Variants in SNTG1 observed in about 807,000 individuals in gnomAD.
The protein encoded by SNTG1 is gamma-1-syntrophin.
In SNTG1, 39 loss-of-function variants were observed where a neutral mutation model predicts 74.7. That is an observed-to-expected ratio of 0.52 (90% CI 0.40 to 0.68). SNTG1 has a LOEUF of 0.68. Among genes scored for constraint, SNTG1 ranks in the 30% least tolerant of loss-of-function variants. The probability of loss-of-function intolerance (pLI) is 0.00; values close to 1 mark genes in which losing one functional copy is unlikely to be tolerated. For missense variants in SNTG1, 685 were observed against 609.5 expected (o/e 1.12, Z -1.30); for synonymous variants, 254 against 217.1 (o/e 1.17, Z -1.49).
intron 2 of SNTG1, among the ~76,000 whole-genome samples, chr8:50,282,002 TTAAA>T (rs2088486449): frequency 6.6e-6 from 1 of 152,160 alleles, no homozygotes. Flanking sequence ...CACTGCCATT[TTAAA>T]GTTCACCTTG....
At chr8:50,317,349 C>A (rs2130789384) in intron 2 of SNTG1, among the ~76,000 whole-genome samples, 1 of 152,272 alleles carries the variant, frequency 6.6e-6, no homozygotes, top group Admixed American at 6.5e-5. Flanking sequence ...TCCCTTTTCA[C>A]TCCCAAAAGT....
chr8:50,399,770 A>G (rs2092777510), intron 3 of SNTG1, among the ~76,000 whole-genome samples: 1 of 151,958 alleles, frequency 6.6e-6, no homozygotes, highest in Non-Finnish European at 1.5e-5. Context: ...GTGTAAAAAC[A>G]TAGAAAAAAT....
chr8:50,724,011 T>G (rs959843646), intron 17 of SNTG1, among the ~76,000 whole-genome samples: 1 of 151,956 alleles, frequency 6.6e-6, no homozygotes, highest in Admixed American at 6.6e-5. Flanking sequence ...TCCAAGAACA[T>G]AAGGAGGGCA....
At chr8:50,358,917 G>A (rs569659313) in intron 2 of SNTG1, among the ~76,000 whole-genome samples, 10 of 152,208 alleles carry the variant, frequency 6.6e-5, no homozygotes, top group African/African-American at 1.9e-4. Flanking sequence ...GTTAACGCAC[G>A]GTTTGATACT....
At chr8:50,236,696 C>G (rs1172479542) in intron 2 of SNTG1, among the ~76,000 whole-genome samples, 1 of 151,910 alleles carries the variant, frequency 6.6e-6, no homozygotes. Flanking sequence ...GTGATCCGCC[C>G]GCCTTGGCCT....
chr8:50,392,429 G>A (rs1420893867), intron 2 of SNTG1, among the ~76,000 whole-genome samples: 1 of 152,180 alleles, frequency 6.6e-6, no homozygotes, highest in African/African-American at 2.4e-5. Context: ...GGTTAAAGCA[G>A]AGGGGACTTA....
intron 2 of SNTG1, among the ~76,000 whole-genome samples, chr8:50,290,701 T>C (rs144091914): frequency 7.9e-5 from 12 of 152,306 alleles, no homozygotes; most frequent in Non-Finnish European, 1.8e-4. Context: ...AGTTATCATA[T>C]TAATAATAAC....
chr8:50,352,793 T>C (rs1439015585), intron 2 of SNTG1, among the ~76,000 whole-genome samples: 2 of 152,212 alleles, frequency 1.3e-5, no homozygotes, highest in Admixed American at 1.3e-4. Context: ...TTTAGGCTTC[T>C]CAGAATGCCT....
At chr8:50,522,861 G>A (rs900982005) in intron 9 of SNTG1, among the ~76,000 whole-genome samples, 1 of 152,164 alleles carries the variant, frequency 6.6e-6, no homozygotes, top group African/African-American at 2.4e-5. Context: ...ATAGGCATGA[G>A]CCACTGTACC....
At chr8:50,664,442 A>C (rs2131308184) in intron 15 of SNTG1, among the ~76,000 whole-genome samples, 1 of 152,308 alleles carries the variant, frequency 6.6e-6, no homozygotes, top group South Asian at 2.1e-4. Context: ...AATCTATGAA[A>C]AATACCCTAT....
chr8:50,335,236 A>G (rs1208907099), intron 2 of SNTG1, among the ~76,000 whole-genome samples: 2 of 152,190 alleles, frequency 1.3e-5, no homozygotes, highest in African/African-American at 4.8e-5. Flanking sequence ...TGCAGTCATA[A>G]CAGATAACCA....
chr8:50,167,812 C>CAAA (rs1312245688), intron 1 of SNTG1, among the ~76,000 whole-genome samples: 18 of 75,602 alleles, frequency 2.4e-4, no homozygotes, highest in African/African-American at 6.4e-4. Flanking sequence ...GATTCTATCT[C>CAAA]AAAAAAAAAA....
intron 1 of SNTG1, among the ~76,000 whole-genome samples, chr8:50,062,599 A>G (rs1227354019): frequency 1.3e-5 from 2 of 152,122 alleles, no homozygotes; most frequent in South Asian, 2.1e-4. Flanking sequence ...CACAAGCTAA[A>G]TATTTTTTAT....
intron 2 of SNTG1, among the ~76,000 whole-genome samples, chr8:50,318,599 A>T (rs1025760304): frequency 6.6e-6 from 1 of 152,202 alleles, no homozygotes; most frequent in Non-Finnish European, 1.5e-5. Context: ...AAGGATCTTA[A>T]TGGGGGACAA....
intron 11 of SNTG1, among the ~76,000 whole-genome samples, chr8:50,540,962 T>C (rs1161987498): frequency 6.6e-6 from 1 of 152,048 alleles, no homozygotes; most frequent in African/African-American, 2.4e-5. Flanking sequence ...TTGTTGTTTT[T>C]AATCCAAAGT....
At chr8:50,466,029 C>T (rs139858729) in intron 8 of SNTG1, among the ~76,000 whole-genome samples, 2 of 152,212 alleles carry the variant, frequency 1.3e-5, no homozygotes, top group East Asian at 1.9e-4. Flanking sequence ...TCCAAAGTGG[C>T]TATACCATTT....
chr8:50,779,913 G>A (rs1019554085), intron 18 of SNTG1, among the ~76,000 whole-genome samples: 7 of 65,312 alleles, frequency 1.1e-4, no homozygotes, highest in Non-Finnish European at 2.0e-4. Context: ...TTAGCATGAA[G>A]GGTTGTTGAA....
intron 2 of SNTG1, among the ~76,000 whole-genome samples, chr8:50,261,924 A>G (rs944474071): frequency 1.3e-5 from 2 of 152,194 alleles, no homozygotes; most frequent in African/African-American, 4.8e-5. Context: ...ATGTAAATTT[A>G]TTAATAATCA....
intron 13 of SNTG1, among the ~76,000 whole-genome samples, chr8:50,593,918 G>A (rs2046353): frequency 0.2 from 30,788 of 151,614 alleles, 7,363 homozygotes; most frequent in African/African-American, 0.58. Flanking sequence ...GGGATTCACC[G>A]TGTTGGCCAG....
Sources: gnomAD v4.1 joint callset for allele counts (sites outside exome capture counted in the v4.1 genomes callset) on GRCh38, gnomAD v4.1.1 for gene constraint, MANE v1.5 for transcripts, NCBI Gene and HGNC (gene_info 2026-07-23, HGNC 2026-07-21) for gene names.